The following PLXNA4 variants were observed in gnomAD, a reference collection of about 807,000 sequenced individuals.
PLXNA4 encodes the protein plexin-A4.
A neutral mutation model predicts 191.8 loss-of-function variants in PLXNA4; 44 were observed. The ratio of observed to expected loss-of-function variants is 0.23; its 90% confidence interval spans 0.18 to 0.29. The LOEUF is 0.29. PLXNA4 is among the 10% of genes least tolerant of loss of function. PLXNA4 has a pLI of 1.00. For synonymous variants in PLXNA4, 1,082 were observed against 1,009.5 expected, an observed-to-expected ratio of 1.07 and a Z score of -1.36; for missense variants, 1,800 against 2,488.8, an observed-to-expected ratio of 0.72 and a Z score of 5.89.
intron 3 of PLXNA4, among the ~76,000 whole-genome samples, chr7:132,304,454 T>G (rs1187224125): frequency 6.6e-6 from 1 of 152,240 alleles, no homozygotes; most frequent in African/African-American, 2.4e-5. Flanking sequence ...ATATGTTTAA[T>G]CTGACCCAAT....
chr7:132,385,538 A>T (rs1315483665), intron 3 of PLXNA4, among the ~76,000 whole-genome samples: 1 of 152,216 alleles, frequency 6.6e-6, no homozygotes, highest in Non-Finnish European at 1.5e-5. Flanking sequence ...CTGGCCACGG[A>T]TGTTACACCC....
At chr7:132,596,536 T>C (rs1290396496) in intron 2 of PLXNA4, among the ~76,000 whole-genome samples, 1 of 152,218 alleles carries the variant, frequency 6.6e-6, no homozygotes, top group Non-Finnish European at 1.5e-5. Context: ...TTATGAAGAT[T>C]TAAAGGTTTC....
intron 20 of PLXNA4, among the ~76,000 whole-genome samples, chr7:132,176,606 G>GTGTATGAC (rs147854595): frequency 1.1e-4 from 17 of 149,662 alleles, no homozygotes; most frequent in African/African-American, 2.8e-4. Context: ...GTCAGGGAGT[G>GTGTATGAC]TGTATGACTG....
In PLXNA4 at chr7:132,607,195, G is replaced by C. The variant is rs527428999; in HGVS notation, c.-87+38733C>G. On this transcript the variant is annotated intron_variant, in intron 2 of 4. Transcript: ENST00000378539. ...AAAAACCCGCACCCAGAGCATTCCA[G>C]TTCCCAGAGGCTGACCTACACATAC... Among the ~76,000 whole-genome samples the C allele has an allele frequency of 3.9e-5, 6 of 152,288 alleles. No homozygotes were observed. In the South Asian group the frequency reaches 1.2e-3, roughly 32 times the overall value.
At chr7:132,384,974 G>A (rs1013228250) in intron 3 of PLXNA4, 19 of 1,361,566 alleles carry the variant, frequency 1.4e-5, no homozygotes, top group African/African-American at 1.0e-4. Context: ...CCCATGGGAC[G>A]CTTGGGGCAG....
intron 13 of PLXNA4, among the ~76,000 whole-genome samples, chr7:132,197,524 T>A (rs1797290487): frequency 6.6e-6 from 1 of 152,140 alleles, no homozygotes; most frequent in Non-Finnish European, 1.5e-5. Context: ...GTGGCCTAGT[T>A]TGGTTTCGTT....
chr7:132,165,475 G>A (rs963411469), intron 22 of PLXNA4, among the ~76,000 whole-genome samples: 5 of 152,154 alleles, frequency 3.3e-5, no homozygotes, highest in East Asian at 1.9e-4. Flanking sequence ...TTAGAGCACC[G>A]CTGTCCAATT....
At chr7:132,236,475 G>C (rs868784186) in intron 5 of PLXNA4, among the ~76,000 whole-genome samples, 3 of 152,132 alleles carry the variant, frequency 2.0e-5, no homozygotes, top group African/African-American at 7.2e-5. Context: ...TGAAGATCAG[G>C]CTTGTTGAGG....
At chr7:132,176,215 T>C (rs1409275594) in intron 20 of PLXNA4, among the ~76,000 whole-genome samples, 1 of 152,238 alleles carries the variant, frequency 6.6e-6, no homozygotes, top group Non-Finnish European at 1.5e-5. Context: ...GAGAGTCCTC[T>C]GCAGCCTCTC....
chr7:132,190,735 G>C (rs1426439462), intron 14 of PLXNA4, among the ~76,000 whole-genome samples: 1 of 152,196 alleles, frequency 6.6e-6, no homozygotes, highest in African/African-American at 2.4e-5. Flanking sequence ...TTAATGAGGT[G>C]GCGGTGATTC....
intron 2 of PLXNA4, among the ~76,000 whole-genome samples, chr7:132,635,170 TTATATATATATATA>T (rs3037811): frequency 1.5e-5 from 2 of 131,814 alleles, no homozygotes; most frequent in Non-Finnish European, 3.2e-5. Flanking sequence ...AAACTCCCCT[TTATATATATATATA>T]TATATATATA....
intron 3 of PLXNA4, among the ~76,000 whole-genome samples, chr7:132,449,793 G>A (rs546947579): frequency 6.6e-6 from 1 of 152,226 alleles, no homozygotes; most frequent in African/African-American, 2.4e-5. Context: ...CCCCAACCTA[G>A]TGGCAGAAGT....
intron 22 of PLXNA4, among the ~76,000 whole-genome samples, chr7:132,165,766 T>G (rs2116654321): frequency 6.7e-6 from 1 of 149,684 alleles, no homozygotes; most frequent in Middle Eastern, 3.5e-3. Context: ...TGGCAGGGAA[T>G]AGGAATAAAG....
chr7:132,186,801 T>C (rs1182070943), intron 15 of PLXNA4, among the ~76,000 whole-genome samples: 1 of 152,182 alleles, frequency 6.6e-6, no homozygotes, highest in Non-Finnish European at 1.5e-5. Context: ...GTAACAAAGA[T>C]GATAACAGCC....
intron 23 of PLXNA4, among the ~76,000 whole-genome samples, 195 bp downstream of exon 23, chr7:132,164,939 C>G (rs1796078916): frequency 6.6e-6 from 1 of 152,200 alleles, no homozygotes; most frequent in South Asian, 2.1e-4. Flanking sequence ...CTTGGGAAGA[C>G]TGTGTCTTTG....
intron 21 of PLXNA4, among the ~76,000 whole-genome samples, chr7:132,173,016 C>T (rs140478780): frequency 1.1e-4 from 17 of 152,346 alleles, no homozygotes; most frequent in Non-Finnish European, 2.2e-4. Context: ...CCACTTCCCA[C>T]ATGCCCATTA....
chr7:132,451,242 T>A (rs1796110776), intron 3 of PLXNA4, among the ~76,000 whole-genome samples: 1 of 152,176 alleles, frequency 6.6e-6, no homozygotes. Context: ...AAGCATCTCA[T>A]CTTAAGGAGC....
chr7:132,267,721 G>A (rs1483364500), intron 4 of PLXNA4, among the ~76,000 whole-genome samples: 5 of 152,062 alleles, frequency 3.3e-5, no homozygotes, highest in South Asian at 2.1e-4. Flanking sequence ...ACATGTATTC[G>A]GAAAACAAGC....
At chr7:132,290,581 C>T (rs1230020705) in intron 4 of PLXNA4, among the ~76,000 whole-genome samples, 1 of 152,192 alleles carries the variant, frequency 6.6e-6, no homozygotes. Context: ...ACACCACACT[C>T]ATATACATGC....
Sources: gnomAD v4.1 joint callset for allele counts (sites outside exome capture counted in the v4.1 genomes callset) on GRCh38, gnomAD v4.1.1 for gene constraint, MANE v1.5 for transcripts, NCBI Gene and HGNC (gene_info 2026-07-23, HGNC 2026-07-21) for gene names.